Variants in TNFAIP8 observed in about 807,000 individuals in gnomAD.
The protein encoded by TNFAIP8 is tumor necrosis factor alpha-induced protein 8.
Under a neutral mutation model 13.3 loss-of-function variants are expected in TNFAIP8, and 7 were observed. That is an observed-to-expected ratio of 0.52 (90% confidence interval 0.30 to 0.99). The LOEUF is 0.99. TNFAIP8 is among the 50% of genes least tolerant of loss of function. The probability of loss-of-function intolerance (pLI) is 0.07; values close to 1 mark genes in which losing one functional copy is unlikely to be tolerated. For missense variants in TNFAIP8, 258 were observed against 236.9 expected, an observed-to-expected ratio of 1.09 and a Z score of -0.58; for synonymous variants, 94 against 87.6, an observed-to-expected ratio of 1.07 and a Z score of -0.41.
intron 1 of TNFAIP8, among the ~76,000 whole-genome samples, chr5:119,298,656 C>T (rs202174726): frequency 6.6e-6 from 1 of 151,950 alleles, no homozygotes; most frequent in Non-Finnish European, 1.5e-5. Flanking sequence ...GTTGGCCTGC[C>T]TTGCTGGATT....
intron 1 of TNFAIP8, among the ~76,000 whole-genome samples, chr5:119,302,526 G>C (rs946579351): frequency 6.6e-6 from 1 of 152,242 alleles, no homozygotes; most frequent in Middle Eastern, 3.4e-3. Context: ...TTTTTCTCTT[G>C]AGAATTGGCT....
intron 1 of TNFAIP8, among the ~76,000 whole-genome samples, chr5:119,359,622 A>G (rs187285949): frequency 1.2e-4 from 18 of 152,338 alleles, no homozygotes; most frequent in Admixed American, 2.6e-4. Context: ...AAGAATCCCA[A>G]TGATATTTTA....
intron 1 of TNFAIP8, among the ~76,000 whole-genome samples, chr5:119,331,716 T>C (rs958563987): frequency 6.6e-6 from 1 of 152,182 alleles, no homozygotes; most frequent in East Asian, 1.9e-4. Context: ...TCCTCCAGCC[T>C]TGTCTTCCTG....
Position 119,346,535 on chromosome 5 carries a change from T to C in TNFAIP8, c.2-46281T>C, listed in dbSNP as rs79620311. On this transcript the variant is annotated intron_variant, in intron 1 of 1. Transcript: ENST00000274456. ...ATTTCGAGCTGTGAGGCAGTAAACT[T>C]ATTGCAGTTCCTCAAACTTAGAAAT... Among the ~76,000 whole-genome samples the C allele has an allele frequency of 7.6e-4, 115 of 152,308 alleles. 1 individual carries two copies. In the East Asian group the frequency reaches 0.021, roughly 27 times the overall value.
intron 1 of TNFAIP8, among the ~76,000 whole-genome samples, chr5:119,274,737 G>A (rs1306084440): frequency 6.6e-6 from 1 of 152,194 alleles, no homozygotes; most frequent in African/African-American, 2.4e-5. Context: ...CTCCCTGGCA[G>A]GGAAGCTCTG....
intron 1 of TNFAIP8, among the ~76,000 whole-genome samples, chr5:119,285,012 CT>C (rs1052796143): frequency 1.1e-3 from 161 of 151,604 alleles, no homozygotes; most frequent in African/African-American, 3.8e-3. Flanking sequence ...TTGTCAGAAT[CT>C]TTTTTTTTCT....
At chr5:119,333,520 A>T in intron 1 of TNFAIP8, 1 of 1,527,054 alleles carries the variant, frequency 6.5e-7, no homozygotes, top group Non-Finnish European at 8.8e-7. Flanking sequence ...CAGGTTCCAT[A>T]GTGTACACGT....
chr5:119,398,347 T>C lies in TNFAIP8; in HGVS notation c.*4966T>C, dbSNP rs1753120987. On this transcript the variant is annotated 3_prime_UTR_variant, in exon 2 of 2. Coordinates refer to ENST00000504771, the MANE Select transcript of TNFAIP8 (RefSeq NM_014350.4). ...TAAGACAATATGTTTCTTTCTACTTTGGTTTTTCCATTCAAAAGCTTACAG... is the reference window on the plus strand; with the variant it reads ...TAAGACAATATGTTTCTTTCTACTTCGGTTTTTCCATTCAAAAGCTTACAG... The C allele has an allele frequency of 6.6e-6, 1 of 152,254 alleles. No individual in the cohort carries two copies. Among genetic ancestry groups the C allele is most frequent in the African/African-American group, 2.4e-5 (1 of 41,466 alleles). 9.4% of individuals were successfully genotyped at this position (152,254 alleles called of 1,614,324 possible). A position where few individuals can be genotyped will look rare whatever the true frequency, so the allele number is the denominator to read the frequency against.
intron 1 of TNFAIP8, among the ~76,000 whole-genome samples, chr5:119,290,495 T>A (rs1396479206): frequency 6.6e-6 from 1 of 152,214 alleles, no homozygotes; most frequent in African/African-American, 2.4e-5. Context: ...GGTGGATGAC[T>A]CTTCTTAGAG....
At chr5:119,389,077 A>C (rs1752793942) in intron 1 of TNFAIP8, among the ~76,000 whole-genome samples, 1 of 152,170 alleles carries the variant, frequency 6.6e-6, no homozygotes, top group Non-Finnish European at 1.5e-5. Flanking sequence ...GGAAGGTGGA[A>C]TGGAAAGAAC....
chr5:119,347,477 T>G (rs561903065), intron 1 of TNFAIP8, among the ~76,000 whole-genome samples: 1 of 152,300 alleles, frequency 6.6e-6, no homozygotes, highest in Admixed American at 6.5e-5. Flanking sequence ...ACTAGGAAAT[T>G]TATGGACTTA....
At chr5:119,361,231 CTG>C (rs1751622582) in intron 1 of TNFAIP8, among the ~76,000 whole-genome samples, 1 of 143,444 alleles carries the variant, frequency 7.0e-6, no homozygotes. Flanking sequence ...CTGCAGCGCA[CTG>C]CCCCCCCAGC....
At chr5:119,346,398 A>G (rs1419445216) in intron 1 of TNFAIP8, among the ~76,000 whole-genome samples, 1 of 152,188 alleles carries the variant, frequency 6.6e-6, no homozygotes, top group African/African-American at 2.4e-5. Context: ...TTCTTTCTGT[A>G]ATGTCTCTAC....
chr5:119,318,440 C>T (rs1017043009), intron 1 of TNFAIP8, among the ~76,000 whole-genome samples: 1 of 152,018 alleles, frequency 6.6e-6, no homozygotes, highest in Non-Finnish European at 1.5e-5. Flanking sequence ...ATGCATGTGC[C>T]ATCATGCTTG....
At chr5:119,300,621 A>G (rs1473904762) in intron 1 of TNFAIP8, among the ~76,000 whole-genome samples, 1 of 152,132 alleles carries the variant, frequency 6.6e-6, no homozygotes, top group Non-Finnish European at 1.5e-5. Context: ...CATAATTAAC[A>G]TTCTTAAAAA....
At chr5:119,350,952 T>TTTTGTGTG (rs369026854) in intron 1 of TNFAIP8, among the ~76,000 whole-genome samples, 1 of 144,688 alleles carries the variant, frequency 6.9e-6, no homozygotes, top group African/African-American at 2.6e-5. Context: ...CTATGTGTAT[T>TTTTGTGTG]TGTGTGTGTG....
chr5:119,348,054 C>T (rs1750972851), intron 1 of TNFAIP8, among the ~76,000 whole-genome samples: 2 of 152,214 alleles, frequency 1.3e-5, no homozygotes, highest in African/African-American at 4.8e-5. Context: ...GAATAAAGCT[C>T]TTAACTGCTC....
chr5:119,294,068 T>A (rs550500099), intron 1 of TNFAIP8, among the ~76,000 whole-genome samples: 2 of 151,738 alleles, frequency 1.3e-5, no homozygotes, highest in Non-Finnish European at 1.5e-5. Flanking sequence ...TATTATACTT[T>A]AAGTTTTAGG....
chr5:119,326,723 G>T (rs1750238284), intron 1 of TNFAIP8, among the ~76,000 whole-genome samples: 2 of 152,174 alleles, frequency 1.3e-5, no homozygotes, highest in African/African-American at 4.8e-5. Context: ...GGATGAGCCT[G>T]AAGGAGGTTG....
Sources: gnomAD v4.1 joint callset for allele counts (sites outside exome capture counted in the v4.1 genomes callset) on GRCh38, gnomAD v4.1.1 for gene constraint, MANE v1.5 for transcripts, NCBI Gene and HGNC (gene_info 2026-07-23, HGNC 2026-07-21) for gene names.